Variants in CEMIP observed in about 807,000 individuals in gnomAD.
CEMIP encodes the protein cell migration-inducing and hyaluronan-binding protein.
In CEMIP, 105 loss-of-function variants were observed where a neutral mutation model predicts 156.9. The observed-to-expected ratio is 0.67, with a 90% CI of 0.57 to 0.79. The LOEUF is 0.79. CEMIP is among the 30% of genes least tolerant of loss of function. The pLI, the probability that CEMIP is intolerant of heterozygous loss-of-function variation, is 0.00. For synonymous variants in CEMIP, 676 were observed against 668.4 expected, an observed-to-expected ratio of 1.01 and a Z score of -0.17; for missense variants, 1,457 against 1,769.4, an observed-to-expected ratio of 0.82 and a Z score of 3.17.
In CEMIP at chr15:80,925,705, G is replaced by A; in HGVS notation, c.2370G>A (p.Gln790=). The A allele has an allele frequency of 6.2e-7, 1 of 1,613,806 alleles. No individual in the cohort carries two copies. The highest frequency in any genetic ancestry group is 8.5e-7 in the Non-Finnish European group (1 of 1,179,996). The change falls in exon 19 of 30, where the codon CAG becomes CAA. Residue 790 remains glutamine (Q), a synonymous_variant. Coordinates refer to ENST00000394685, the MANE Select transcript of CEMIP (RefSeq NM_001293298.2). The part of the protein sequence containing the change: ...IIRHFIAYKN[Q]DHGAWLRGGD... The stretch of plus-strand genomic sequence containing the variant: ...GACACTTCATTGCCTACAAGAACCA[G>A]GACCACGGGGCCTGGCTGCGCGGCG...
chr15:80,941,762 G>A (rs1363930613), intron 25 of CEMIP, 87 bp from the exon 26 acceptor site: 12 of 1,250,022 alleles, frequency 9.6e-6, no homozygotes, highest in Non-Finnish European at 1.4e-5. Context: ...GCTATGACCA[G>A]CTCAGAGTAA....
intron 12 of CEMIP, among the ~76,000 whole-genome samples, chr15:80,900,392 C>T (rs1899426836): frequency 6.6e-6 from 1 of 152,168 alleles, no homozygotes; most frequent in Non-Finnish European, 1.5e-5. Context: ...CTGCGCCCAC[C>T]TCAACGCCCT....
rs754349255 is a variant in CEMIP at position 80,937,826 on chromosome 15, C to A, written c.3254C>A (p.Pro1085Gln). 5 of 1,614,210 alleles carry A rather than the reference C, an allele frequency of 3.1e-6. No homozygotes were observed. The highest frequency in any genetic ancestry group is 4.2e-6 in the Non-Finnish European group (5 of 1,180,036). Residue 1085 changes from proline to glutamine, a missense_variant, in exon 25 of 30, where the codon CCG (proline) becomes CAG (glutamine). By Grantham distance (76) the Pro-to-Gln change is moderately conservative (BLOSUM62 -1). Transcript: ENST00000394685. ...GDWIRVGLCY[P>Q]RGTTFSILSD... The stretch of plus-strand genomic sequence containing the variant: ...TGGATCCGAGTGGGGCTCTGCTACC[C>A]GCGAGGCACCACATTCTCCATCCTC...
rs1901818477 is a variant in CEMIP at position 80,951,382 on chromosome 15, A to T, written c.*2458A>T. On this transcript the variant is annotated 3_prime_UTR_variant, in exon 30 of 30. Coordinates refer to ENST00000394685, the MANE Select transcript of CEMIP (RefSeq NM_001293298.2). ...TCTAGGCATTTTCTTGGTAGCACAA[A>T]TTTTCTTATTGCTTAGAAAATTGTC... 1 of 152,510 alleles carries T rather than the reference A, an allele frequency of 6.6e-6. No individual in the cohort carries two copies. The highest frequency in any genetic ancestry group is 6.5e-5 in the Admixed American group (1 of 15,270). The allele number at this position is 152,510 out of a possible 1,614,324, so 9.4% of individuals were successfully genotyped here. A position where few individuals can be genotyped will look rare whatever the true frequency, so the allele number is the denominator to read the frequency against.
intron 3 of CEMIP, among the ~76,000 whole-genome samples, chr15:80,877,766 C>T (rs980964632): frequency 6.6e-6 from 1 of 152,158 alleles, no homozygotes; most frequent in Admixed American, 6.5e-5. Flanking sequence ...TCTGCAATAC[C>T]CACCCCCGGT....
intron 3 of CEMIP, among the ~76,000 whole-genome samples, chr15:80,875,530 CTTGA>C: frequency 6.6e-6 from 1 of 152,226 alleles, no homozygotes; most frequent in Non-Finnish European, 1.5e-5. Context: ...AGGTACTTCC[CTTGA>C]TTATTTCTTC....
At chr15:80,836,721 C>T (rs1475354110) in intron 1 of CEMIP, among the ~76,000 whole-genome samples, 1 of 148,464 alleles carries the variant, frequency 6.7e-6, no homozygotes, top group Non-Finnish European at 1.5e-5. Flanking sequence ...AGGCCTCCTG[C>T]TTATTATGCA....
At chr15:80,819,594 T>G (rs1351938660) in intron 1 of CEMIP, among the ~76,000 whole-genome samples, 3 of 152,218 alleles carry the variant, frequency 2.0e-5, no homozygotes, top group African/African-American at 7.2e-5. Context: ...ACCCTGAGTA[T>G]TCCCCCTTTA....
intron 1 of CEMIP, among the ~76,000 whole-genome samples, chr15:80,867,084 C>A (rs113532082): frequency 1.4e-3 from 216 of 152,290 alleles, no homozygotes; most frequent in African/African-American, 5.1e-3. Context: ...GTTTGCAAAT[C>A]TGTAAAATGG....
At chr15:80,804,146 C>G (rs1896450830) in intron 1 of CEMIP, among the ~76,000 whole-genome samples, 1 of 152,186 alleles carries the variant, frequency 6.6e-6, no homozygotes, top group Admixed American at 6.5e-5. Context: ...GATTCAGTTA[C>G]CTCCCACCAG....
At chr15:80,939,150 G>A (rs984980878) in intron 25 of CEMIP, among the ~76,000 whole-genome samples, 2 of 152,220 alleles carry the variant, frequency 1.3e-5, no homozygotes, top group Admixed American at 6.5e-5. Context: ...TTGGAGAATA[G>A]AGCTTTCCAA....
At chr15:80,891,632 C>T (rs1432393933) in intron 10 of CEMIP, among the ~76,000 whole-genome samples, 2 of 152,182 alleles carry the variant, frequency 1.3e-5, no homozygotes, top group African/African-American at 4.8e-5. Flanking sequence ...TTGGCTTTTT[C>T]TTGGCAAAAC....
intron 27 of CEMIP, 25 bp from the exon 28 acceptor site, chr15:80,942,920 C>T (rs530516906): frequency 2.9e-5 from 47 of 1,614,188 alleles, no homozygotes; most frequent in African/African-American, 2.1e-4. Context: ...CCCTGCCTCA[C>T]ACCTGGATTG....
At chr15:80,922,233 T>A in intron 17 of CEMIP, 96 bp downstream of exon 17, 2 of 1,475,976 alleles carry the variant, frequency 1.4e-6, no homozygotes, top group Admixed American at 3.4e-5. Context: ...TGGCGACAGC[T>A]GGGAACAACT....
intron 10 of CEMIP, 21 bp from the exon 11 acceptor site, chr15:80,894,969 T>C (rs747738604): frequency 6.2e-7 from 1 of 1,613,888 alleles, no homozygotes; most frequent in Non-Finnish European, 8.5e-7. Context: ...CTTTGCTCTG[T>C]AATTTCTGTG....
At chr15:80,939,366 G>A (rs1328575223) in intron 25 of CEMIP, among the ~76,000 whole-genome samples, 2 of 152,118 alleles carry the variant, frequency 1.3e-5, no homozygotes, top group African/African-American at 4.8e-5. Context: ...AGGGCCCAGG[G>A]GCCAGGAGTA....
intron 1 of CEMIP, among the ~76,000 whole-genome samples, chr15:80,839,178 C>T (rs570617615): frequency 8.5e-5 from 13 of 152,226 alleles, no homozygotes; most frequent in South Asian, 4.1e-4. Flanking sequence ...CCCTGCCCAG[C>T]GGCCTGAAAG....
intron 19 of CEMIP, 75 bp from the exon 20 acceptor site, chr15:80,928,827 G>T: frequency 6.3e-7 from 1 of 1,581,174 alleles, no homozygotes; most frequent in Non-Finnish European, 8.7e-7. Flanking sequence ...GGGCAGGGAA[G>T]TGTCCTTCTC....
In CEMIP at chr15:80,925,735, T is replaced by C. The variant is rs991024895; in HGVS notation, c.2400T>C (p.Asp800=). 11 of 1,613,196 alleles carry C rather than the reference T, an allele frequency of 6.8e-6. No individual in the cohort carries two copies. In the East Asian group the frequency reaches 2.2e-4, roughly 33 times the overall value. Residue 800 remains aspartate, a synonymous_variant, in exon 19 of 30, where the codon GAT becomes GAC. Transcript: ENST00000394685. ...QDHGAWLRGG[D]VWLDSCRFAD... ...ACGGGGCCTGGCTGCGCGGCGGGGA[T>C]GTGTGGCTGGACAGCTGCCGGTGAG...
Sources: gnomAD v4.1 joint callset for allele counts (sites outside exome capture counted in the v4.1 genomes callset) on GRCh38, gnomAD v4.1.1 for gene constraint, MANE v1.5 for transcripts, NCBI Gene and HGNC (gene_info 2026-07-23, HGNC 2026-07-21) for gene names.